Variants in UBE2F observed in about 807,000 individuals in gnomAD.
The protein encoded by UBE2F is ubiquitin conjugating enzyme E2 F (putative).
In UBE2F, 5 loss-of-function variants were observed where a neutral mutation model predicts 29.6. The observed-to-expected ratio is 0.17, with a 90% CI of 0.09 to 0.36. UBE2F has a LOEUF of 0.36. Among genes scored for constraint, UBE2F ranks in the 10% least tolerant of loss-of-function variants. UBE2F has a pLI of 1.00. For missense variants in UBE2F, 141 were observed against 228.5 expected (o/e 0.62, Z 2.47); for synonymous variants, 66 against 81.8 (o/e 0.81, Z 1.04).
intron 4 of UBE2F, among the ~76,000 whole-genome samples, chr2:237,999,312 C>T (rs1056956973): frequency 2.6e-5 from 4 of 152,116 alleles, no homozygotes; most frequent in African/African-American, 4.8e-5. Flanking sequence ...TCAAGTGATC[C>T]GCCCACCCTG....
At chr2:238,013,604 A>G (rs1441936903) in intron 4 of UBE2F, among the ~76,000 whole-genome samples, 3 of 152,172 alleles carry the variant, frequency 2.0e-5, no homozygotes, top group East Asian at 1.9e-4. Flanking sequence ...GACAGAGCAT[A>G]TGTGGATGTC....
intron 3 of UBE2F, among the ~76,000 whole-genome samples, chr2:237,991,614 T>TTCTTTTTTTTTTTTTTTTTTTTTTTTTG: frequency 8.4e-6 from 1 of 119,228 alleles, no homozygotes; most frequent in Admixed American, 8.8e-5. Context: ...TCTTTCTTTT[T>TTCTTTTTTTTTTTTTTTTTTTTTTTTTG]TTTTTTTTGA....
chr2:238,012,816 G>T (rs891480395), intron 4 of UBE2F, among the ~76,000 whole-genome samples: 1 of 152,162 alleles, frequency 6.6e-6, no homozygotes, highest in Non-Finnish European at 1.5e-5. Context: ...ATCCTCTTTT[G>T]TTGGCTCTCA....
chr2:238,004,368 G>A (rs1476955220), intron 4 of UBE2F, among the ~76,000 whole-genome samples: 1 of 151,980 alleles, frequency 6.6e-6, no homozygotes. Flanking sequence ...TTTTGGAGAT[G>A]CGTCTGCTCA....
At chr2:237,988,615 T>TAAAAA (rs35898026) in intron 3 of UBE2F, among the ~76,000 whole-genome samples, 7 of 128,076 alleles carry the variant, frequency 5.5e-5, no homozygotes, top group African/African-American at 1.7e-4. Context: ...GACTCTGTCT[T>TAAAAA]AAAAAAAAAA....
intron 5 of UBE2F, among the ~76,000 whole-genome samples, chr2:238,021,568 A>G (rs768756734): frequency 1.3e-5 from 2 of 152,334 alleles, no homozygotes; most frequent in African/African-American, 4.8e-5. Context: ...ATGTCAGTCA[A>G]TGCACAATTG....
intron 4 of UBE2F, among the ~76,000 whole-genome samples, chr2:238,006,448 C>T (rs757170510): frequency 1.3e-5 from 2 of 152,232 alleles, no homozygotes; most frequent in Non-Finnish European, 2.9e-5. Flanking sequence ...AATCCATGAA[C>T]ATGGTTTATA....
At chr2:238,012,630 A>G (rs1257191377) in intron 4 of UBE2F, among the ~76,000 whole-genome samples, 2 of 152,024 alleles carry the variant, frequency 1.3e-5, no homozygotes, top group African/African-American at 2.4e-5. Context: ...TTAATTGTCA[A>G]ACTAGTCTGC....
At chr2:237,996,354 G>C (rs1278803719) in intron 4 of UBE2F, among the ~76,000 whole-genome samples, 2 of 152,138 alleles carry the variant, frequency 1.3e-5, no homozygotes, top group African/African-American at 4.8e-5. Flanking sequence ...CCCATCCCAA[G>C]CATGGGCTTT....
intron 6 of UBE2F, among the ~76,000 whole-genome samples, chr2:238,027,860 A>G (rs1286436484): frequency 1.3e-5 from 2 of 152,194 alleles, no homozygotes; most frequent in East Asian, 3.8e-4. Context: ...GCTGGCACAC[A>G]GGAGCACCTT....
At chr2:237,992,187 G>C (rs556594626) in intron 3 of UBE2F, among the ~76,000 whole-genome samples, 75 of 152,258 alleles carry the variant, frequency 4.9e-4, no homozygotes, top group African/African-American at 1.6e-3. Context: ...TATTCTTGAT[G>C]GGCCAGCTTT....
In UBE2F at chr2:238,040,407, GGAAA is replaced by G. The variant is rs2064813864; in HGVS notation, c.508-880_508-877del. Among the ~76,000 whole-genome samples the G allele has an allele frequency of 6.6e-6, 1 of 152,214 alleles. No homozygotes were observed. Among genetic ancestry groups the G allele is most frequent in the Admixed American group, 6.5e-5 (1 of 15,280 alleles). On this transcript the variant is annotated intron_variant, in intron 9 of 9. Transcript: ENST00000272930. The surrounding 1 kb of genome is among the most constrained non-coding windows in gnomAD (Gnocchi z 4.4). ...GACAGGAGGACTGAGGCTTAGCTAA[GGAAA>G]TGGAGCTCATGCCCACTAAGAACTA... is the stretch of plus-strand genomic sequence containing the variant.
intron 5 of UBE2F, among the ~76,000 whole-genome samples, chr2:238,024,809 G>A (rs532180505): frequency 2.4e-4 from 36 of 152,296 alleles, no homozygotes; most frequent in Admixed American, 1.8e-3. Context: ...ATGTAAAGTG[G>A]ACTAGGGCTT....
rs2063083427 is a variant in UBE2F, at chr2:237,967,583, A to T, written c.-17+451A>T. On this transcript the variant is annotated intron_variant, in intron 1 of 9. Coordinates refer to ENST00000272930, the MANE Select transcript of UBE2F (RefSeq NM_080678.3). This position sits in a 1 kb window ranked among gnomAD's most constrained non-coding sequence, Gnocchi z 6.3. ...TCACCGGCCCGACGTGGCCGCAGAA[A>T]CCGGGACTGGACTCCCGATCGGGGC... 6.6e-6 allele frequency among the ~76,000 whole-genome samples: 1 copy of T among 152,076 alleles called. No homozygotes were observed. The highest frequency in any genetic ancestry group is 2.4e-5 in the African/African-American group (1 of 41,428).
intron 4 of UBE2F, among the ~76,000 whole-genome samples, chr2:237,996,446 A>G (rs1237605476): frequency 6.7e-6 from 1 of 148,562 alleles, no homozygotes; most frequent in African/African-American, 2.5e-5. Flanking sequence ...GCAAGTCTGG[A>G]TAAATGTTTC....
At chr2:237,993,229 G>C (rs1415402757) in intron 3 of UBE2F, among the ~76,000 whole-genome samples, 1 of 151,950 alleles carries the variant, frequency 6.6e-6, no homozygotes, top group Non-Finnish European at 1.5e-5. Context: ...CTCGTGAACC[G>C]CCTGCCTTGG....
chr2:237,976,089 G>A (rs1487187343), intron 2 of UBE2F, among the ~76,000 whole-genome samples: 6 of 152,364 alleles, frequency 3.9e-5, no homozygotes, highest in South Asian at 2.1e-4. Context: ...TGTATTCAGC[G>A]TCTGTTGTGC....
intron 4 of UBE2F, among the ~76,000 whole-genome samples, chr2:237,996,417 T>A (rs1043674150): frequency 1.3e-5 from 2 of 151,904 alleles, no homozygotes; most frequent in African/African-American, 4.8e-5. Flanking sequence ...CTCTTTACTG[T>A]CATGTGATTG....
intron 5 of UBE2F, among the ~76,000 whole-genome samples, chr2:238,020,457 G>T (rs527853888): frequency 1.3e-5 from 2 of 152,190 alleles, no homozygotes; most frequent in Admixed American, 6.5e-5. Context: ...ATGGGCTGGG[G>T]CTTCTCAGGG....
Sources: gnomAD v4.1 joint callset for allele counts (sites outside exome capture counted in the v4.1 genomes callset) on GRCh38, gnomAD v4.1.1 for gene constraint, Gnocchi (gnomAD v3.1) non-coding constraint, MANE v1.5 for transcripts, NCBI Gene and HGNC (gene_info 2026-07-23, HGNC 2026-07-21) for gene names.